FBLN2: variants seen among roughly 807,000 people sequenced by gnomAD.
The protein encoded by FBLN2 is fibulin 2, also known as fibulin-2.
Under a neutral mutation model 123.7 loss-of-function variants are expected in FBLN2, and 81 were observed. The observed-to-expected ratio is 0.65, with a 90% confidence interval of 0.55 to 0.79. The LOEUF (loss-of-function observed/expected upper bound fraction) is 0.79, where lower values mean the gene tolerates loss of function less well. Ranked by LOEUF, FBLN2 falls within the 30% of genes least tolerant of loss-of-function variation. The pLI, the probability that FBLN2 is intolerant of heterozygous loss-of-function variation, is 0.00. For synonymous variants in FBLN2, 699 were observed against 701.4 expected, an observed-to-expected ratio of 1.00 and a Z score of 0.05; for missense variants, 1,603 against 1,681.3, an observed-to-expected ratio of 0.95 and a Z score of 0.81.
chr3:13,610,897 A>AATTATTATTATTATTATTATT (rs112793079), intron 4 of FBLN2, among the ~76,000 whole-genome samples: 2,506 of 144,768 alleles, frequency 0.017, 48 homozygotes, highest in African/African-American at 0.038. Flanking sequence ...CCTTGTTTTA[A>AATTATTATTATTATTATTATT]ATTATTATTA....
intron 2 of FBLN2, among the ~76,000 whole-genome samples, chr3:13,575,059 A>C (rs1704091456): frequency 6.6e-6 from 1 of 152,212 alleles, no homozygotes; most frequent in Non-Finnish European, 1.5e-5. Context: ...TGAAGATATC[A>C]GCGGGTGGGC....
intron 5 of FBLN2, 106 bp downstream of exon 5, chr3:13,614,270 A>C: frequency 1.8e-6 from 2 of 1,114,462 alleles, no homozygotes; most frequent in South Asian, 3.2e-5. Context: ...TTGAGACACA[A>C]GTTCTGCTCT....
At chr3:13,617,047 A>G (rs749791640) in intron 5 of FBLN2, among the ~76,000 whole-genome samples, 15 of 152,178 alleles carry the variant, frequency 9.9e-5, no homozygotes, top group Non-Finnish European at 2.1e-4. Flanking sequence ...ACCCTGTCCT[A>G]TTGTAGAGGA....
chr3:13,596,160 G>A (rs9844969), intron 2 of FBLN2, among the ~76,000 whole-genome samples: 58,476 of 152,108 alleles, frequency 0.38, 14,364 homozygotes, highest in African/African-American at 0.69. Context: ...TTGTTTTGAG[G>A]TAAGGTCTTG....
At chr3:13,605,247 A>G (rs1705164292) in intron 2 of FBLN2, among the ~76,000 whole-genome samples, 1 of 151,206 alleles carries the variant, frequency 6.6e-6, no homozygotes, top group South Asian at 2.1e-4. Context: ...CATGGCTCTT[A>G]TTATCCTCTT....
At chr3:13,564,327 C>T (rs1290494886) in intron 1 of FBLN2, among the ~76,000 whole-genome samples, 1 of 152,146 alleles carries the variant, frequency 6.6e-6, no homozygotes, top group Non-Finnish European at 1.5e-5. Flanking sequence ...CCATCCCTAG[C>T]AGTCCCAGTT....
chr3:13,593,277 GGTTAAA>G (rs1414546090), intron 2 of FBLN2, among the ~76,000 whole-genome samples: 5 of 152,250 alleles, frequency 3.3e-5, no homozygotes, highest in Non-Finnish European at 5.9e-5. Flanking sequence ...CCCGGGCATG[GGTTAAA>G]GTTAATCTGC....
chr3:13,608,523 C>T lies in FBLN2; in HGVS notation c.1418+350C>T, dbSNP rs572705020. On this transcript the variant is annotated intron_variant, in intron 3 of 17. Transcript: ENST00000404922. ...TCTGCAGTTGCTGCCGCACTCATGC[C>T]ACTCAGGCTTTCTCTCCTCTGCCCT... Among the ~76,000 whole-genome samples, 11 of 152,332 alleles carry T rather than the reference C, an allele frequency of 7.2e-5. No individual in the cohort carries two copies. In the South Asian group the frequency reaches 2.3e-3, roughly 32 times the overall value.
At chr3:13,617,176 A>ATCCATCCATCCATCCT in intron 5 of FBLN2, among the ~76,000 whole-genome samples, 1 of 151,604 alleles carries the variant, frequency 6.6e-6, no homozygotes, top group Admixed American at 6.6e-5. Flanking sequence ...CCATCCATCC[A>ATCCATCCATCCATCCT]TCTATCCATC....
In FBLN2 at chr3:13,629,069, C is replaced by T. The variant is rs375564034; in HGVS notation, c.2713+21C>T. 2.5e-6 allele frequency: 4 copies of T among 1,612,724 alleles called. No homozygotes were observed. The African/African-American group carries it at 5.3e-5, about 22-fold the overall frequency. The stretch of plus-strand genomic sequence containing the variant: ...TGTGGGTAAGGCCAGCCGCCTCCGC[C>T]CTGCCAGCCAGCCCGGCCTGCCCGC... On this transcript the variant is annotated intron_variant, in intron 12 of 17. Transcript: ENST00000404922.
intron 2 of FBLN2, among the ~76,000 whole-genome samples, chr3:13,573,007 C>T (rs899876697): frequency 8.5e-5 from 13 of 152,156 alleles, no homozygotes; most frequent in Non-Finnish European, 1.3e-4. Context: ...CTCTAGCAAA[C>T]AGGTTAATCT....
At chr3:13,636,664 C>G in intron 17 of FBLN2, 96 bp downstream of exon 17, 2 of 1,432,942 alleles carry the variant, frequency 1.4e-6, no homozygotes, top group Non-Finnish European at 1.9e-6. Context: ...CCTTGATCAC[C>G]TCCCTCTCGT....
intron 2 of FBLN2, among the ~76,000 whole-genome samples, chr3:13,589,371 A>G (rs528408520): frequency 6.6e-6 from 1 of 152,134 alleles, no homozygotes; most frequent in Admixed American, 6.5e-5. Context: ...GTCAAATACT[A>G]TGGGGTCTCA....
intron 2 of FBLN2, among the ~76,000 whole-genome samples, chr3:13,600,259 G>C (rs772296241): frequency 9.2e-5 from 14 of 152,052 alleles, no homozygotes; most frequent in Non-Finnish European, 1.8e-4. Flanking sequence ...CCCACATTTT[G>C]GATGGCACCT....
Position 13,619,867 on chromosome 3 carries a change from C to A in FBLN2, c.2155+36C>A, listed in dbSNP as rs761528770. The stretch of plus-strand genomic sequence containing the variant: ...TGGGGTGCCCTCCTACCTGTGCAAA[C>A]CTGAGTTGGCCTGTGATGGGGGCCT... On this transcript the variant is annotated intron_variant, in intron 8 of 17. Coordinates refer to ENST00000404922, the MANE Select transcript of FBLN2 (RefSeq NM_001004019.2). 4.5e-6 allele frequency: 7 copies of A among 1,542,498 alleles called. No individual in the cohort carries two copies. The South Asian group carries it at 7.2e-5, about 16-fold the overall frequency.
chr3:13,618,574 C>T (rs1010287644), intron 6 of FBLN2, among the ~76,000 whole-genome samples: 2 of 152,230 alleles, frequency 1.3e-5, no homozygotes, highest in African/African-American at 2.4e-5. Flanking sequence ...CAGCTATCTC[C>T]CCAGTGCTGG....
chr3:13,605,067 C>G lies in FBLN2; in HGVS notation c.1307-2995C>G, dbSNP rs527499760. Among the ~76,000 whole-genome samples, 3 of 152,312 alleles carry G rather than the reference C, an allele frequency of 2.0e-5. No individual in the cohort carries two copies. In the East Asian group the frequency reaches 5.8e-4, roughly 29 times the overall value. On this transcript the variant is annotated intron_variant, in intron 2 of 17. Transcript: ENST00000404922. ...GTCTGGAGGGAGGAGAAGCGGCTGT[C>G]AGTGGTAACGCTGAGATGTGGACCC...
At chr3:13,561,825 A>G (rs1325353941) in intron 1 of FBLN2, among the ~76,000 whole-genome samples, 1 of 152,228 alleles carries the variant, frequency 6.6e-6, no homozygotes, top group Non-Finnish European at 1.5e-5. Flanking sequence ...GCTGCAAACT[A>G]AAGGACTCTA....
chr3:13,592,418 T>C (rs1704707099), intron 2 of FBLN2, among the ~76,000 whole-genome samples: 1 of 152,242 alleles, frequency 6.6e-6, no homozygotes, highest in Non-Finnish European at 1.5e-5. Context: ...TAATTTTTAA[T>C]ATCTGCTAGT....
Sources: allele counts gnomAD v4.1 joint callset (sites outside exome capture counted in the v4.1 genomes callset), GRCh38; gene constraint gnomAD v4.1.1; transcripts MANE v1.5; gene names NCBI Gene and HGNC (gene_info 2026-07-23, HGNC 2026-07-21).